The following PRTG variants were observed in gnomAD, a reference collection of about 807,000 sequenced individuals.
PRTG encodes the protein protogenin.
PRTG carries 67 observed loss-of-function variants against 122.5 expected under a neutral mutation model. The observed-to-expected ratio is 0.55, with a 90% confidence interval of 0.45 to 0.67. PRTG has a LOEUF of 0.67. Ranked by LOEUF, PRTG falls within the 30% of genes least tolerant of loss-of-function variation. The probability of loss-of-function intolerance (pLI) is 0.00; values close to 1 mark genes in which losing one functional copy is unlikely to be tolerated. For synonymous variants in PRTG, 554 were observed against 501.1 expected (o/e 1.11, Z -1.41); for missense variants, 1,435 against 1,415.4 (o/e 1.01, Z -0.22).
At chr15:55,650,054 T>C (rs753706773) in intron 11 of PRTG, among the ~76,000 whole-genome samples, 4 of 152,188 alleles carry the variant, frequency 2.6e-5, no homozygotes, top group Non-Finnish European at 5.9e-5. Context: ...GCTAAATGAC[T>C]AAATTTAAGG....
At position 55,614,617 on chromosome 15, in the gene PRTG, G is replaced by A. The variant is rs752443300; in HGVS notation, c.*5395C>T. 2 of 152,032 alleles carry A rather than the reference G, an allele frequency of 1.3e-5. No individual in the cohort carries two copies. The allele number at this position is 152,032 out of a possible 1,614,324, so 9.4% of individuals were successfully genotyped here. On this transcript the variant is annotated 3_prime_UTR_variant, in exon 20 of 20. Coordinates refer to ENST00000389286, the MANE Select transcript of PRTG (RefSeq NM_173814.6). ...CTGAATAAATTCCATAAAGTTAGAC[G>A]CAAATATTTAGGACACTTGCTGATA...
Position 55,710,104 on chromosome 15 carries a change from CA to C in PRTG, c.398-26174del, listed in dbSNP as rs758701262. ...AAAGCCCCCGAAGAATATACACAAC[CA>C]TTAACAATGACTACAGGAACTAAGC... On this transcript the variant is annotated intron_variant, in intron 2 of 19. Transcript: ENST00000389286. Among the ~76,000 whole-genome samples the C allele has an allele frequency of 1.4e-4, 22 of 152,216 alleles. No individual in the cohort carries two copies. In the South Asian group the frequency reaches 4.4e-3, roughly 30 times the overall value.
chr15:55,654,566 C>G (rs1226303483), intron 11 of PRTG, among the ~76,000 whole-genome samples: 1 of 152,160 alleles, frequency 6.6e-6, no homozygotes, highest in East Asian at 1.9e-4. Flanking sequence ...ACATTTCTAT[C>G]AAAAACAATT....
intron 11 of PRTG, among the ~76,000 whole-genome samples, chr15:55,657,574 C>T (rs1025951951): frequency 6.6e-6 from 1 of 152,142 alleles, no homozygotes; most frequent in African/African-American, 2.4e-5. Flanking sequence ...TCAACTATTT[C>T]AACATACAGC....
In PRTG at chr15:55,617,736, T is replaced by G. The variant is rs554110153; in HGVS notation, c.*2276A>C. 5 of 152,300 alleles carry G rather than the reference T, an allele frequency of 3.3e-5. No homozygotes were observed. The highest frequency in any genetic ancestry group is 1.2e-4 in the African/African-American group (5 of 41,574). The allele number at this position is 152,300 out of a possible 1,614,324, so 9.4% of individuals were successfully genotyped here. Reference sequence around the variant, plus strand: ...GGACTTTAGCTCGTCTTTTTAGCCATTTAAAACCACTCGAATTCATGTAGT... The same window carrying G: ...GGACTTTAGCTCGTCTTTTTAGCCAGTTAAAACCACTCGAATTCATGTAGT... On this transcript the variant is annotated 3_prime_UTR_variant, in exon 20 of 20. Coordinates refer to ENST00000389286, the MANE Select transcript of PRTG (RefSeq NM_173814.6).
intron 2 of PRTG, among the ~76,000 whole-genome samples, chr15:55,708,617 T>C (rs1595667773): frequency 6.6e-6 from 1 of 151,466 alleles, no homozygotes. Flanking sequence ...CAAAAATAAA[T>C]AAAGTGAAAC....
At chr15:55,656,345 T>C in intron 11 of PRTG, 2 of 455,974 alleles carry the variant, frequency 4.4e-6, no homozygotes, top group South Asian at 1.6e-5. Context: ...GTTTCATTAT[T>C]AGATTCGGGC....
At chr15:55,736,536 C>A (rs1282332468) in intron 2 of PRTG, among the ~76,000 whole-genome samples, 2 of 152,080 alleles carry the variant, frequency 1.3e-5, no homozygotes, top group African/African-American at 4.8e-5. Context: ...CCTCAAATTT[C>A]ATCTTAACTT....
chr15:55,638,156 C>T (rs1419141822), intron 14 of PRTG, among the ~76,000 whole-genome samples: 1 of 152,178 alleles, frequency 6.6e-6, no homozygotes, highest in Non-Finnish European at 1.5e-5. Flanking sequence ...ATACAAATTG[C>T]ACTGTGCACA....
At chr15:55,644,966 G>A (rs980080217) in intron 11 of PRTG, among the ~76,000 whole-genome samples, 46 of 152,142 alleles carry the variant, frequency 3.0e-4, no homozygotes, top group Non-Finnish European at 5.1e-4. Context: ...GGGCAAAGCT[G>A]AGCAGCGGAC....
At chr15:55,689,736 G>A (rs899119756) in intron 2 of PRTG, among the ~76,000 whole-genome samples, 1 of 152,016 alleles carries the variant, frequency 6.6e-6, no homozygotes, top group East Asian at 1.9e-4. Context: ...GACCACCCTG[G>A]CTAACACGGT....
intron 15 of PRTG, among the ~76,000 whole-genome samples, chr15:55,636,428 A>G (rs1454054121): frequency 1.3e-5 from 2 of 151,936 alleles, no homozygotes; most frequent in African/African-American, 2.4e-5. Context: ...AGACTCATCC[A>G]TAACAAATCT....
At chr15:55,682,129 T>C (rs1205886800) in intron 4 of PRTG, among the ~76,000 whole-genome samples, 2 of 152,172 alleles carry the variant, frequency 1.3e-5, no homozygotes, top group Non-Finnish European at 2.9e-5. Flanking sequence ...TACCAAAGAC[T>C]GAATATTTGT....
chr15:55,674,271 C>A (rs532894612), intron 9 of PRTG, among the ~76,000 whole-genome samples: 51 of 152,264 alleles, frequency 3.3e-4, no homozygotes, highest in African/African-American at 1.2e-3. Context: ...GTGTCTGAAA[C>A]CTTGTTCTAC....
intron 2 of PRTG, among the ~76,000 whole-genome samples, chr15:55,730,984 G>T (rs111564556): frequency 8.3e-4 from 127 of 152,272 alleles, no homozygotes; most frequent in African/African-American, 2.8e-3. Flanking sequence ...TATTGCAAGT[G>T]AAAGTAGGCA....
chr15:55,682,721 C>A (rs1013033945), intron 3 of PRTG, among the ~76,000 whole-genome samples: 6 of 151,960 alleles, frequency 3.9e-5, no homozygotes, highest in African/African-American at 1.5e-4. Flanking sequence ...CGCCACCATG[C>A]CCAGCTGATT....
chr15:55,683,963 A>C lies in PRTG; in HGVS notation c.398-32T>G, dbSNP rs747619689. 9 of 1,587,688 alleles carry C rather than the reference A, an allele frequency of 5.7e-6. No individual in the cohort carries two copies. The Admixed American group carries it at 1.5e-4, about 27-fold the overall frequency. On this transcript the variant is annotated intron_variant, in intron 2 of 19. Coordinates refer to ENST00000389286, the MANE Select transcript of PRTG (RefSeq NM_173814.6). Reference sequence around the variant, plus strand: ...GATAAAGTTTGAGAAATTCAGAATAAGTGCATGAAAATAACACTTAGAAGT... The same window carrying C: ...GATAAAGTTTGAGAAATTCAGAATACGTGCATGAAAATAACACTTAGAAGT...
chr15:55,683,871 C>A lies in PRTG; in HGVS notation c.458G>T (p.Arg153Leu), dbSNP rs780621238. ...GTGGGATGAAATCTTGCATGCAAAT[C>A]GAGCAACTCCACCTTCGTGGACCTC... ...STEVHEGGVA[R>L]FACKISSHPP... Residue 153 changes from arginine (R) to leucine (L), a missense_variant, in exon 3 of 20, where the codon CGA becomes CTA. Physicochemically the swap from Arg to Leu is moderately radical, Grantham distance 102. Coordinates refer to ENST00000389286, the MANE Select transcript of PRTG (RefSeq NM_173814.6). The A allele has an allele frequency of 6.2e-7, 1 of 1,613,892 alleles. No homozygotes were observed. Among genetic ancestry groups the A allele is most frequent in the Admixed American group, 1.7e-5 (1 of 60,014 alleles).
chr15:55,675,739 G>T, intron 8 of PRTG, 56 bp from the exon 9 acceptor site: 2 of 1,162,736 alleles, frequency 1.7e-6, no homozygotes, highest in Non-Finnish European at 2.5e-6. Flanking sequence ...AAATTAACAA[G>T]ACCATTTTCC....
Sources: allele counts gnomAD v4.1 joint callset (sites outside exome capture counted in the v4.1 genomes callset), GRCh38; gene constraint gnomAD v4.1.1; transcripts MANE v1.5; gene names NCBI Gene and HGNC (gene_info 2026-07-23, HGNC 2026-07-21).